SLC6A17: variants seen among roughly 807,000 people sequenced by gnomAD.
The protein encoded by SLC6A17 is solute carrier family 6 member 17, also known as sodium-dependent neutral amino acid transporter SLC6A17.
In SLC6A17, 21 loss-of-function variants were observed where a neutral mutation model predicts 64.5. The observed-to-expected ratio is 0.33, with a 90% confidence interval of 0.23 to 0.47. SLC6A17 has a LOEUF of 0.47. Ranked by LOEUF, SLC6A17 falls within the 20% of genes least tolerant of loss-of-function variation. SLC6A17 has a pLI of 1.00. For synonymous variants in SLC6A17, 372 were observed against 399.5 expected (o/e 0.93, Z 0.82); for missense variants, 682 against 963.2 (o/e 0.71, Z 3.86).
chr1:110,167,427 G>C (rs1656097521), intron 2 of SLC6A17, among the ~76,000 whole-genome samples: 5 of 152,176 alleles, frequency 3.3e-5, no homozygotes. Flanking sequence ...TCTGGCCCCA[G>C]ACTGCCTGGG....
chr1:110,196,542 A>T (rs1175850476), intron 10 of SLC6A17, among the ~76,000 whole-genome samples: 1 of 152,232 alleles, frequency 6.6e-6, no homozygotes, highest in Admixed American at 6.5e-5. Flanking sequence ...AGACACTGCC[A>T]CAAAGGACTC....
intron 3 of SLC6A17, 196 bp downstream of exon 3, chr1:110,172,413 C>T (rs1474560669): frequency 4.2e-5 from 29 of 692,434 alleles, no homozygotes; most frequent in South Asian, 8.1e-5. Context: ...GAGAGTCGAC[C>T]ACGTTGCCTG....
At chr1:110,173,294 G>T (rs1394362659) in intron 3 of SLC6A17, among the ~76,000 whole-genome samples, 1 of 152,230 alleles carries the variant, frequency 6.6e-6, no homozygotes, top group African/African-American at 2.4e-5. Flanking sequence ...TCTCACTGAT[G>T]CAGGAGACAG....
chr1:110,192,521 C>T lies in SLC6A17; in HGVS notation c.1122C>T (p.Ile374=), dbSNP rs532730987. ...TGTGCTGCAGGAATGCTGAGAAAAT[C>T]CTAGGGTACCTTAACACCAACGTCC... ...EKCVVENAEK[I]LGYLNTNVLS... is the part of the protein sequence containing the mutation. Residue 374 remains isoleucine, a synonymous_variant, in exon 8 of 12, where the codon ATC becomes ATT. Transcript: ENST00000331565. This position sits in a 1 kb window ranked among gnomAD's most constrained non-coding sequence, Gnocchi z 4.3. 1.9e-5 allele frequency: 30 copies of T among 1,613,390 alleles called. 1 individual carries two copies. In the South Asian group the frequency reaches 3.1e-4, roughly 17 times the overall value.
intron 1 of SLC6A17, among the ~76,000 whole-genome samples, chr1:110,158,498 T>G (rs925326530): frequency 2.0e-5 from 3 of 152,200 alleles, no homozygotes; most frequent in Non-Finnish European, 4.4e-5. Context: ...CACATGAAGG[T>G]GGTAGCTGGC....
In SLC6A17 at chr1:110,192,759, C is replaced by G; in HGVS notation, c.1299+61C>G. 1 of 1,536,504 alleles carries G rather than the reference C, an allele frequency of 6.5e-7. No homozygotes were observed. On this transcript the variant is annotated intron_variant, in intron 8 of 11. Transcript: ENST00000331565. This position sits in a 1 kb window ranked among gnomAD's most constrained non-coding sequence, Gnocchi z 4.3. ...GAACCCAGAGAGCAGCTGTGGCCGGCGGGAGCTTGGGCTCAGGCCTCAGGA... is the reference window on the plus strand; with the variant it reads ...GAACCCAGAGAGCAGCTGTGGCCGGGGGGAGCTTGGGCTCAGGCCTCAGGA...
rs568085804 is a variant in SLC6A17, at chr1:110,176,248, G to T, written c.754-381G>T. On this transcript the variant is annotated intron_variant, in intron 5 of 11. Transcript: ENST00000331565. ...ACCTCCTGAAGGTCTTCCGTCAAAG[G>T]AGCTCTAAGGACAGGGGAGATCCTT... 2.6e-5 allele frequency among the ~76,000 whole-genome samples: 4 copies of T among 152,192 alleles called. No homozygotes were observed. In the East Asian group the frequency reaches 7.8e-4, roughly 30 times the overall value.
chr1:110,170,398 G>A (rs914020740), intron 2 of SLC6A17, among the ~76,000 whole-genome samples: 2 of 152,156 alleles, frequency 1.3e-5, no homozygotes, highest in African/African-American at 4.8e-5. Context: ...GCAGGAGAAT[G>A]GTGTGAACCC....
Position 110,170,091 on chromosome 1 carries a change from AAG to A in SLC6A17, c.287-1966_287-1965del, listed in dbSNP as rs552849293. 2.1e-3 allele frequency among the ~76,000 whole-genome samples: 313 copies of A among 152,154 alleles called. 2 individuals carry two copies. The highest frequency in any genetic ancestry group is 3.2e-3 in the Non-Finnish European group (220 of 67,990). The stretch of plus-strand genomic sequence containing the variant: ...TTTCCCTGGTTCTTTGGGGAGAAAA[AAG>A]AGGCATCCATAGAAGGTGCCAACCC... On this transcript the variant is annotated intron_variant, in intron 2 of 11. Coordinates refer to ENST00000331565, the MANE Select transcript of SLC6A17 (RefSeq NM_001010898.4).
chr1:110,163,477 A>C (rs1655970965), intron 1 of SLC6A17, among the ~76,000 whole-genome samples: 1 of 152,198 alleles, frequency 6.6e-6, no homozygotes, highest in South Asian at 2.1e-4. Flanking sequence ...CTGTGTGCCA[A>C]GCTCTATGTC....
intron 1 of SLC6A17, among the ~76,000 whole-genome samples, chr1:110,152,011 C>T (rs972892631): frequency 1.3e-5 from 2 of 152,140 alleles, no homozygotes; most frequent in Non-Finnish European, 2.9e-5. Context: ...CAAAAAAATT[C>T]GGCCAAAACT....
intron 1 of SLC6A17, among the ~76,000 whole-genome samples, chr1:110,152,978 A>G (rs1392772052): frequency 1.3e-5 from 2 of 152,204 alleles, no homozygotes; most frequent in Non-Finnish European, 2.9e-5. Flanking sequence ...TCAGCTTCAC[A>G]TAGACCTGTT....
At chr1:110,164,665 C>T (rs988636756) in intron 1 of SLC6A17, among the ~76,000 whole-genome samples, 18 of 152,328 alleles carry the variant, frequency 1.2e-4, no homozygotes, top group African/African-American at 4.3e-4. Flanking sequence ...AAGGAGGAAG[C>T]TCGTATTAGC....
intron 5 of SLC6A17, among the ~76,000 whole-genome samples, chr1:110,175,387 G>A (rs1024091974): frequency 4.6e-5 from 7 of 152,204 alleles, no homozygotes; most frequent in African/African-American, 1.7e-4. Context: ...TGAGCAGGTA[G>A]ACGCTATGAG....
chr1:110,160,329 G>A (rs1655873888), intron 1 of SLC6A17, among the ~76,000 whole-genome samples: 1 of 152,260 alleles, frequency 6.6e-6, no homozygotes, highest in African/African-American at 2.4e-5. Flanking sequence ...TGTTTCAAAT[G>A]TGAGGCAGTA....
At chr1:110,174,747 C>T (rs774997399) in intron 4 of SLC6A17, 32 bp from the exon 5 acceptor site, 12 of 1,606,838 alleles carry the variant, frequency 7.5e-6, no homozygotes, top group Non-Finnish European at 1.0e-5. Context: ...GGCCCTGCCA[C>T]TGAGGCCCTG....
chr1:110,173,725 G>A (rs2101847699), intron 3 of SLC6A17, among the ~76,000 whole-genome samples: 1 of 152,362 alleles, frequency 6.6e-6, no homozygotes, highest in South Asian at 2.1e-4. Flanking sequence ...TTAAGAGTTT[G>A]TTGCTTAAAA....
intron 8 of SLC6A17, among the ~76,000 whole-genome samples, chr1:110,193,278 C>T (rs1240126386): frequency 6.6e-6 from 1 of 152,168 alleles, no homozygotes; most frequent in African/African-American, 2.4e-5. Flanking sequence ...GATGCTTCTG[C>T]CCCTCCCCAA....
chr1:110,170,846 G>GGT lies in SLC6A17; in HGVS notation c.287-1193_287-1192dup, dbSNP rs113598904. 5.9e-3 allele frequency among the ~76,000 whole-genome samples: 889 copies of GGT among 150,124 alleles called. 6 individuals carry two copies. Among genetic ancestry groups the GGT allele is most frequent in the Admixed American group, 7.5e-3 (113 of 15,062 alleles). ...TGGTTGGCTTGTGTGACTAGTCTGT[G>GGT]GTGTGTGTGTGTGTGTGTGTGTATA... On this transcript the variant is annotated intron_variant, in intron 2 of 11. Coordinates refer to ENST00000331565, the MANE Select transcript of SLC6A17 (RefSeq NM_001010898.4).
Sources: allele counts gnomAD v4.1 joint callset (sites outside exome capture counted in the v4.1 genomes callset), GRCh38; gene constraint gnomAD v4.1.1; non-coding constraint Gnocchi (gnomAD v3.1); transcripts MANE v1.5; gene names NCBI Gene and HGNC (gene_info 2026-07-23, HGNC 2026-07-21).